Variants in TMPRSS11D observed in about 807,000 individuals in gnomAD.
The protein encoded by TMPRSS11D is transmembrane serine protease 11D, also known as transmembrane protease serine 11D.
Under a neutral mutation model 44.4 loss-of-function variants are expected in TMPRSS11D, and 32 were observed. The observed-to-expected ratio is 0.72, with a 90% confidence interval of 0.54 to 0.97. The LOEUF (loss-of-function observed/expected upper bound fraction) is 0.97. Among genes scored for constraint, TMPRSS11D ranks in the 50% least tolerant of loss-of-function variants. The probability of loss-of-function intolerance (pLI) is 0.00; values close to 1 mark genes in which losing one functional copy is unlikely to be tolerated. For missense variants in TMPRSS11D, 446 were observed against 502.6 expected (o/e 0.89, Z 1.08); for synonymous variants, 179 against 177.9 (o/e 1.01, Z -0.05).
At chr4:67,847,970 T>TATGTGCCAAATTCTCTTCTAG (rs2109678068) in intron 3 of TMPRSS11D, among the ~76,000 whole-genome samples, 1 of 152,298 alleles carries the variant, frequency 6.6e-6, no homozygotes, top group African/African-American at 2.4e-5. Flanking sequence ...GAACACCAAG[T>TATGTGCCAAATTCTCTTCTAG]ATGTGCCAAA....
chr4:67,866,853 C>G (rs1718936846), intron 1 of TMPRSS11D, among the ~76,000 whole-genome samples: 1 of 151,480 alleles, frequency 6.6e-6, no homozygotes, highest in African/African-American at 2.4e-5. Context: ...AAATGGAAAA[C>G]CATCCCATGC....
chr4:67,864,599 A>G (rs1173638438), intron 1 of TMPRSS11D, among the ~76,000 whole-genome samples: 1 of 151,950 alleles, frequency 6.6e-6, no homozygotes, highest in Non-Finnish European at 1.5e-5. Context: ...GCATGACAGA[A>G]CTCCTCCAAC....
chr4:67,834,354 C>A (rs1041433459), intron 6 of TMPRSS11D, among the ~76,000 whole-genome samples: 1 of 152,050 alleles, frequency 6.6e-6, no homozygotes, highest in African/African-American at 2.4e-5. Context: ...CAAACAAATA[C>A]CCTAGTAAAT....
chr4:67,857,277 A>G, intron 2 of TMPRSS11D, among the ~76,000 whole-genome samples: 1 of 4,610 alleles, frequency 2.2e-4, no homozygotes, highest in African/African-American at 3.1e-4. Context: ...TATGGTATAT[A>G]TATATATATA....
chr4:67,849,838 G>C (rs1718449938), intron 3 of TMPRSS11D, among the ~76,000 whole-genome samples: 1 of 152,110 alleles, frequency 6.6e-6, no homozygotes, highest in African/African-American at 2.4e-5. Flanking sequence ...TGAGTCAAGA[G>C]ACCCTGGTTT....
chr4:67,879,374 G>C (rs948025243), intron 1 of TMPRSS11D, among the ~76,000 whole-genome samples: 1 of 151,276 alleles, frequency 6.6e-6, no homozygotes, highest in Non-Finnish European at 1.5e-5. Flanking sequence ...CCAGCTACTC[G>C]GCAGGCTGAA....
chr4:67,825,591 T>G, intron 9 of TMPRSS11D, 141 bp downstream of exon 9: 1 of 998,146 alleles, frequency 1.0e-6, no homozygotes, highest in Non-Finnish European at 1.4e-6. Flanking sequence ...AAAATTTATT[T>G]CTAAAATCTA....
At chr4:67,859,470 C>A in intron 2 of TMPRSS11D, 87 bp downstream of exon 2, 4 of 1,420,508 alleles carry the variant, frequency 2.8e-6, no homozygotes, top group East Asian at 2.3e-5. Flanking sequence ...GAAATAAAAG[C>A]CATAGTAAAA....
At chr4:67,882,024 A>G (rs1286059363) in intron 1 of TMPRSS11D, among the ~76,000 whole-genome samples, 1 of 152,196 alleles carries the variant, frequency 6.6e-6, no homozygotes, top group African/African-American at 2.4e-5. Context: ...AGAGTGACCA[A>G]GGATCTGAAA....
In TMPRSS11D at chr4:67,825,713, G is replaced by A. The variant is rs1187077104; in HGVS notation, c.1095+19C>T. 2 of 1,611,298 alleles carry A rather than the reference G, an allele frequency of 1.2e-6. No individual in the cohort carries two copies. Among genetic ancestry groups the A allele is most frequent in the Non-Finnish European group, 8.5e-7 (1 of 1,178,594 alleles). ...ACACTTCTTGGATGATGACATGGATGAGATTGTCTTGAGCTTACCTGACAT... is the reference window on the plus strand; with the variant it reads ...ACACTTCTTGGATGATGACATGGATAAGATTGTCTTGAGCTTACCTGACAT... On this transcript the variant is annotated intron_variant, in intron 9 of 9. Transcript: ENST00000283916.
At chr4:67,853,334 T>A (rs1718553982) in intron 3 of TMPRSS11D, among the ~76,000 whole-genome samples, 1 of 152,138 alleles carries the variant, frequency 6.6e-6, no homozygotes, top group South Asian at 2.1e-4. Context: ...TTCCAGAAAA[T>A]GTAGAAATGC....
intron 5 of TMPRSS11D, among the ~76,000 whole-genome samples, chr4:67,837,103 T>C (rs1056435555): frequency 6.6e-6 from 1 of 152,118 alleles, no homozygotes; most frequent in African/African-American, 2.4e-5. Context: ...TTCAACTAGA[T>C]TATGGGCTCT....
chr4:67,875,879 C>T (rs558288128), intron 1 of TMPRSS11D, among the ~76,000 whole-genome samples: 2 of 152,106 alleles, frequency 1.3e-5, no homozygotes, highest in Admixed American at 6.6e-5. Flanking sequence ...TGCTGTATCT[C>T]CCAAAGTATT....
In TMPRSS11D at chr4:67,827,258, T is replaced by A; in HGVS notation, c.952+3A>T. 1 of 1,587,534 alleles carries A rather than the reference T, an allele frequency of 6.3e-7. No homozygotes were observed. The highest frequency in any genetic ancestry group is 8.5e-7 in the Non-Finnish European group (1 of 1,170,798). ...TGTTAATTTTTTTTTCCGAGACACTTACCAGCATATTCTTGAGCGCCCCAT... is the reference window on the plus strand; with the variant it reads ...TGTTAATTTTTTTTTCCGAGACACTAACCAGCATATTCTTGAGCGCCCCAT... On this transcript the variant is annotated splice_donor_region_variant and intron_variant, in intron 8 of 9. Coordinates refer to ENST00000283916, the MANE Select transcript of TMPRSS11D (RefSeq NM_004262.3).
At chr4:67,845,696 A>T (rs918694983) in intron 3 of TMPRSS11D, among the ~76,000 whole-genome samples, 3 of 152,180 alleles carry the variant, frequency 2.0e-5, no homozygotes, top group African/African-American at 7.2e-5. Context: ...GTAAACATTG[A>T]AAAAATGAGA....
chr4:67,827,474 T>C lies in TMPRSS11D; in HGVS notation c.739A>G (p.Thr247Ala), dbSNP rs1204065263. Residue 247 changes from threonine (T) to alanine (A), a missense_variant, in exon 8 of 10, where the codon ACA (threonine) becomes GCA (alanine). Transcript: ENST00000283916. ...ACTCTCATTCTTAGTTTAGGAAATG[T>C]TGTGGAAATACCAGACGTGGCAATC... ...DWIATSGIST[T>A]FPKLRMRVRN... 6.2e-7 allele frequency: 1 copy of C among 1,611,774 alleles called. No homozygotes were observed. The highest frequency in any genetic ancestry group is 8.5e-7 in the Non-Finnish European group (1 of 1,178,768).
intron 3 of TMPRSS11D, among the ~76,000 whole-genome samples, chr4:67,844,778 A>T (rs1275976475): frequency 1.3e-5 from 2 of 151,782 alleles, no homozygotes; most frequent in Admixed American, 1.3e-4. Context: ...GACTCTGTTT[A>T]AAAAAAAGGA....
intron 3 of TMPRSS11D, among the ~76,000 whole-genome samples, chr4:67,852,046 A>G (rs1257739215): frequency 6.6e-6 from 1 of 151,834 alleles, no homozygotes; most frequent in African/African-American, 2.4e-5. Context: ...CCTGGCTCTG[A>G]CTCCCTTCAG....
At chr4:67,864,279 T>C (rs1370507285) in intron 1 of TMPRSS11D, among the ~76,000 whole-genome samples, 1 of 152,022 alleles carries the variant, frequency 6.6e-6, no homozygotes, top group African/African-American at 2.4e-5. Context: ...GAGGAATGTG[T>C]TGACACCTAT....
Sources: allele counts gnomAD v4.1 joint callset (sites outside exome capture counted in the v4.1 genomes callset), GRCh38; gene constraint gnomAD v4.1.1; transcripts MANE v1.5; gene names NCBI Gene and HGNC (gene_info 2026-07-23, HGNC 2026-07-21).